LURAP1: variants seen among roughly 807,000 people sequenced by gnomAD.
LURAP1 encodes the protein NF-kappa-B activator C1orf190.
In LURAP1, 14 loss-of-function variants were observed where a neutral mutation model predicts 19.0. That is an observed-to-expected ratio of 0.74 (90% CI 0.49 to 1.15). The LOEUF is 1.15. Ranked by LOEUF, LURAP1 falls within the 50% of genes most tolerant of loss-of-function variation. The probability of loss-of-function intolerance (pLI) is 0.00; values close to 1 mark genes in which losing one functional copy is unlikely to be tolerated. For synonymous variants in LURAP1, 129 were observed against 131.8 expected (o/e 0.98, Z 0.14); for missense variants, 273 against 309.1 (o/e 0.88, Z 0.87).
rs537466890 is a variant in LURAP1 at position 46,220,448 on chromosome 1, G to A, written c.*228G>A. 11 of 526,398 alleles carry A rather than the reference G, an allele frequency of 2.1e-5. No homozygotes were observed. The South Asian group carries it at 2.8e-4, about 13-fold the overall frequency. 32.6% of individuals were successfully genotyped at this position (526,398 alleles called of 1,614,324 possible). ...TCTTTCTTTCTTTCTTTCTTTTTTT[G>A]AGACAGGGTCTTATGCTGTTACCCA... is the stretch of plus-strand genomic sequence containing the variant. On this transcript the variant is annotated 3_prime_UTR_variant, in exon 2 of 2. Transcript: ENST00000371980.
At chr1:46,209,959 T>C (rs1658842178) in intron 1 of LURAP1, among the ~76,000 whole-genome samples, 1 of 152,206 alleles carries the variant, frequency 6.6e-6, no homozygotes, top group Admixed American at 6.6e-5. Flanking sequence ...ACTAGGACAG[T>C]TGTCTTCACT....
intron 1 of LURAP1, among the ~76,000 whole-genome samples, chr1:46,208,772 C>T (rs528331358): frequency 2.6e-5 from 4 of 152,078 alleles, no homozygotes; most frequent in South Asian, 2.1e-4. Context: ...ACCCTGGAGG[C>T]GGAGGTTGCA....
At chr1:46,211,439 GCACACACACACACACACA>G in intron 1 of LURAP1, among the ~76,000 whole-genome samples, 1 of 79,046 alleles carries the variant, frequency 1.3e-5, no homozygotes. Flanking sequence ...ATGAAAACCT[GCACACACACACACACACA>G]CACACACACA....
At position 46,219,997 on chromosome 1, in the gene LURAP1, G is replaced by A. The variant is rs1248610704; in HGVS notation, c.497G>A (p.Arg166His). The A allele has an allele frequency of 1.2e-5, 19 of 1,614,112 alleles. No individual in the cohort carries two copies. Among genetic ancestry groups the A allele is most frequent in the South Asian group, 2.2e-5 (2 of 91,090 alleles). The change falls in exon 2 of 2, where the codon CGT becomes CAT. Residue 166 changes from arginine (R) to histidine (H), a missense_variant. Physicochemically the swap from Arg to His is conservative, Grantham distance 29 (BLOSUM62 0). Coordinates refer to ENST00000371980, the MANE Select transcript of LURAP1 (RefSeq NM_001013615.3). ...LDEQGPPGAP[R>H]SEMDWAKVIA... Reference sequence around the variant, plus strand: ...GAACAGGGCCCACCTGGGGCTCCACGTTCCGAGATGGACTGGGCAAAAGTT... The same window carrying A: ...GAACAGGGCCCACCTGGGGCTCCACATTCCGAGATGGACTGGGCAAAAGTT...
chr1:46,208,954 A>G (rs1489411098), intron 1 of LURAP1, among the ~76,000 whole-genome samples: 3 of 152,372 alleles, frequency 2.0e-5, no homozygotes, highest in Middle Eastern at 3.4e-3. Context: ...TTCAGAAGGA[A>G]GAGTGGTAAC....
In LURAP1 at chr1:46,207,524, TTTTC is replaced by T. The variant is rs202035398; in HGVS notation, c.198+3920_198+3923del. On this transcript the variant is annotated intron_variant, in intron 1 of 1. Coordinates refer to ENST00000371980, the MANE Select transcript of LURAP1 (RefSeq NM_001013615.3). Reference sequence around the variant, plus strand: ...TCCACTAGCGTTTGCCACACTGAACTTTTCTTTCTTTCTTTCTTTCTTTTTTTTT... The same window carrying T: ...TCCACTAGCGTTTGCCACACTGAACTTTTCTTTCTTTCTTTCTTTTTTTTT... Among the ~76,000 whole-genome samples the T allele has an allele frequency of 2.1e-3, 313 of 151,960 alleles. 2 individuals carry two copies. Among genetic ancestry groups the T allele is most frequent in the East Asian group, 7.6e-3 (39 of 5,160 alleles).
intron 1 of LURAP1, among the ~76,000 whole-genome samples, 163 bp downstream of exon 1, chr1:46,203,787 G>A (rs1288184960): frequency 2.0e-5 from 3 of 152,166 alleles, no homozygotes; most frequent in African/African-American, 7.2e-5. Context: ...GGGTGGAGAT[G>A]GAGTGACGTC....
intron 1 of LURAP1, among the ~76,000 whole-genome samples, chr1:46,215,842 A>C (rs1439846530): frequency 6.6e-6 from 1 of 152,024 alleles, no homozygotes; most frequent in East Asian, 1.9e-4. Context: ...GGCTGTAGTC[A>C]ACCATGATTG....
Position 46,213,497 on chromosome 1 carries a change from A to G in LURAP1, c.199-6202A>G, listed in dbSNP as rs376665518. Among the ~76,000 whole-genome samples, 7 of 152,098 alleles carry G rather than the reference A, an allele frequency of 4.6e-5. 1 individual carries two copies. The South Asian group carries it at 1.2e-3, about 27-fold the overall frequency. ...TGACAAATGACTTTATATATGGAGA[A>G]TAGAACAGAAGGTCTCTAGATTAAA... On this transcript the variant is annotated intron_variant, in intron 1 of 1. Transcript: ENST00000371980.
intron 1 of LURAP1, among the ~76,000 whole-genome samples, chr1:46,213,831 T>C (rs1658978063): frequency 6.6e-6 from 1 of 151,800 alleles, no homozygotes; most frequent in African/African-American, 2.4e-5. Flanking sequence ...TCTAGAGTGG[T>C]ATAATATGGG....
chr1:46,218,064 G>T (rs1659121703), intron 1 of LURAP1, among the ~76,000 whole-genome samples: 1 of 152,152 alleles, frequency 6.6e-6, no homozygotes, highest in South Asian at 2.1e-4. Flanking sequence ...TAATCTTGTG[G>T]AACTGTTTGC....
In LURAP1 at chr1:46,221,088, T is replaced by C. The variant is rs1367819932; in HGVS notation, c.*868T>C. ...GGTCCTTGGATGGTAGTAGGTCATA[T>C]AGGGGCATCTGAGCCCCTGCTGCTA... is the stretch of plus-strand genomic sequence containing the variant. On this transcript the variant is annotated 3_prime_UTR_variant, in exon 2 of 2. Transcript: ENST00000371980. 6.6e-6 allele frequency: 1 copy of C among 152,218 alleles called. No homozygotes were observed. The highest frequency in any genetic ancestry group is 1.5e-5 in the Non-Finnish European group (1 of 68,030). 9.4% of individuals were successfully genotyped at this position (152,218 alleles called of 1,614,324 possible).
intron 1 of LURAP1, among the ~76,000 whole-genome samples, chr1:46,216,808 A>G (rs1195797427): frequency 6.6e-6 from 1 of 152,196 alleles, no homozygotes; most frequent in African/African-American, 2.4e-5. Context: ...CCCTCCTCCA[A>G]CAGTCCCCAG....
At chr1:46,208,578 C>T (rs66462608) in intron 1 of LURAP1, among the ~76,000 whole-genome samples, 27,313 of 152,136 alleles carry the variant, frequency 0.18, 2,500 homozygotes, top group Admixed American at 0.23. Flanking sequence ...CACGGTGGCT[C>T]ATGCCTGTAA....
chr1:46,207,070 G>C (rs1658739656), intron 1 of LURAP1, among the ~76,000 whole-genome samples: 1 of 151,846 alleles, frequency 6.6e-6, no homozygotes, highest in South Asian at 2.1e-4. Flanking sequence ...CTCTTTGTCT[G>C]GCTGAGTCCT....
In LURAP1 at chr1:46,218,692, C is replaced by T. The variant is rs142162455; in HGVS notation, c.199-1007C>T. 1.2e-3 allele frequency among the ~76,000 whole-genome samples: 182 copies of T among 152,300 alleles called. 1 individual carries two copies. The highest frequency in any genetic ancestry group is 4.2e-3 in the African/African-American group (175 of 41,570). Reference sequence around the variant, plus strand: ...GTGCTTAGGGAAGGTAACAGTGCATCTGAGCTGGAACGGACGCTTGAGATT... The same window carrying T: ...GTGCTTAGGGAAGGTAACAGTGCATTTGAGCTGGAACGGACGCTTGAGATT... On this transcript the variant is annotated intron_variant, in intron 1 of 1. Transcript: ENST00000371980.
At chr1:46,216,830 A>T (rs1659086321) in intron 1 of LURAP1, among the ~76,000 whole-genome samples, 1 of 152,184 alleles carries the variant, frequency 6.6e-6, no homozygotes, top group Non-Finnish European at 1.5e-5. Flanking sequence ...GTCTATCATT[A>T]CCATCTTTAT....
In LURAP1 at chr1:46,209,760, C is replaced by T. The variant is rs1470171932; in HGVS notation, c.198+6136C>T. 2.0e-5 allele frequency among the ~76,000 whole-genome samples: 3 copies of T among 151,996 alleles called. No homozygotes were observed. The South Asian group carries it at 6.2e-4, about 32-fold the overall frequency. ...TCCTGACCTCGGGTAATCCACTTGC[C>T]TCAGCCTCCCAAAGTGCTGGGATTA... On this transcript the variant is annotated intron_variant, in intron 1 of 1. Coordinates refer to ENST00000371980, the MANE Select transcript of LURAP1 (RefSeq NM_001013615.3).
At chr1:46,218,272 G>T (rs941431722) in intron 1 of LURAP1, among the ~76,000 whole-genome samples, 1 of 152,190 alleles carries the variant, frequency 6.6e-6, no homozygotes, top group African/African-American at 2.4e-5. Flanking sequence ...TGTGGTCTTA[G>T]CTCCTTGGGA....
Sources: gnomAD v4.1 joint callset for allele counts (sites outside exome capture counted in the v4.1 genomes callset) on GRCh38, gnomAD v4.1.1 for gene constraint, MANE v1.5 for transcripts, NCBI Gene and HGNC (gene_info 2026-07-23, HGNC 2026-07-21) for gene names.